CNTNAP5: variants seen among roughly 807,000 people sequenced by gnomAD.
CNTNAP5 encodes contactin-associated protein-like 5.
In CNTNAP5, 72 loss-of-function variants were observed where a neutral mutation model predicts 150.2. The ratio of observed to expected loss-of-function variants is 0.48; its 90% CI spans 0.40 to 0.58. The LOEUF (loss-of-function observed/expected upper bound fraction) is 0.58. Ranked by LOEUF, CNTNAP5 falls within the 20% of genes least tolerant of loss-of-function variation. The pLI, the probability that CNTNAP5 is intolerant of heterozygous loss-of-function variation, is 0.00. For missense variants in CNTNAP5, 1,636 were observed against 1,626.2 expected (o/e 1.01, Z -0.10); for synonymous variants, 672 against 619.8 (o/e 1.08, Z -1.25).
chr2:124,594,528 T>A (rs1307341514), intron 11 of CNTNAP5, among the ~76,000 whole-genome samples: 1 of 149,592 alleles, frequency 6.7e-6, no homozygotes, highest in Non-Finnish European at 1.5e-5. Context: ...CATGCTGTTT[T>A]GGTTACTGTA....
At chr2:124,252,403 G>A (rs1687206268) in intron 3 of CNTNAP5, among the ~76,000 whole-genome samples, 3 of 152,144 alleles carry the variant, frequency 2.0e-5, no homozygotes, top group African/African-American at 7.2e-5. Flanking sequence ...GCTGGCATAG[G>A]TGTATATAGG....
chr2:124,357,834 T>A (rs1375999803), intron 3 of CNTNAP5, among the ~76,000 whole-genome samples: 3 of 149,138 alleles, frequency 2.0e-5, no homozygotes, highest in African/African-American at 7.4e-5. Flanking sequence ...TTTTTTCCAA[T>A]TCTGTGAAGA....
rs1478227034 is a variant in CNTNAP5, at chr2:124,524,522, A to AT, written c.1477+71dup. ...AATTTAAGTGGGCAATTATTTCACT[A>AT]TGATGGTTCTGGTTTGGTCAATTAG... is the stretch of plus-strand genomic sequence containing the variant. On this transcript the variant is annotated intron_variant, in intron 9 of 23. Transcript: ENST00000682447. 7 of 1,446,670 alleles carry AT rather than the reference A, an allele frequency of 4.8e-6. No individual in the cohort carries two copies. The African/African-American group carries it at 5.6e-5, about 12-fold the overall frequency. The allele number at this position is 1,446,670 out of a possible 1,614,324, so 89.6% of individuals were successfully genotyped here.
intron 19 of CNTNAP5, among the ~76,000 whole-genome samples, chr2:124,820,428 T>A (rs1682461468): frequency 6.6e-6 from 1 of 151,694 alleles, no homozygotes; most frequent in Admixed American, 6.6e-5. Flanking sequence ...CCTCACCAGT[T>A]GCTTCCTAAT....
intron 3 of CNTNAP5, among the ~76,000 whole-genome samples, chr2:124,281,067 G>A (rs1688001048): frequency 6.6e-6 from 1 of 152,102 alleles, no homozygotes; most frequent in African/African-American, 2.4e-5. Context: ...AATTAAGCAT[G>A]AAAAATGTAT....
intron 12 of CNTNAP5, among the ~76,000 whole-genome samples, chr2:124,622,542 C>A (rs1677639482): frequency 6.6e-6 from 1 of 152,010 alleles, no homozygotes; most frequent in African/African-American, 2.4e-5. Context: ...TGGGGAATTG[C>A]CACACTGTAT....
intron 8 of CNTNAP5, among the ~76,000 whole-genome samples, chr2:124,514,188 G>A (rs1694655581): frequency 6.6e-6 from 1 of 152,286 alleles, no homozygotes; most frequent in Admixed American, 6.5e-5. Flanking sequence ...GAAGCATTTC[G>A]TGTTATGGAA....
At chr2:124,283,853 A>T (rs1318930558) in intron 3 of CNTNAP5, among the ~76,000 whole-genome samples, 1 of 152,172 alleles carries the variant, frequency 6.6e-6, no homozygotes, top group East Asian at 1.9e-4. Flanking sequence ...TTATAAGGGC[A>T]CTAATCTCAT....
intron 1 of CNTNAP5, among the ~76,000 whole-genome samples, chr2:124,051,880 G>A (rs774733040): frequency 2.0e-5 from 3 of 152,110 alleles, no homozygotes; most frequent in Non-Finnish European, 2.9e-5. Context: ...GTAGAACAAG[G>A]TGTCTCAAAC....
At chr2:124,648,943 TCATAGAAACC>T (rs1678262760) in intron 13 of CNTNAP5, among the ~76,000 whole-genome samples, 1 of 152,116 alleles carries the variant, frequency 6.6e-6, no homozygotes, top group East Asian at 1.9e-4. Flanking sequence ...AAAGGGGAAA[TCATAGAAACC>T]TAACTAAATT....
intron 3 of CNTNAP5, among the ~76,000 whole-genome samples, chr2:124,305,793 G>A (rs1309303817): frequency 6.6e-6 from 1 of 151,984 alleles, no homozygotes; most frequent in African/African-American, 2.4e-5. Flanking sequence ...TCTTTATATT[G>A]AACTTCTCAG....
At chr2:124,113,453 T>C (rs1192677609) in intron 1 of CNTNAP5, among the ~76,000 whole-genome samples, 1 of 151,894 alleles carries the variant, frequency 6.6e-6, no homozygotes. Flanking sequence ...TTCGCCCACT[T>C]TTTTCTATTT....
At chr2:124,866,737 C>T (rs1677640249) in intron 20 of CNTNAP5, among the ~76,000 whole-genome samples, 1 of 152,082 alleles carries the variant, frequency 6.6e-6, no homozygotes, top group Non-Finnish European at 1.5e-5. Context: ...GAGTCCAGAT[C>T]ATCCCCTTTA....
chr2:124,360,097 AG>A (rs1188052773), intron 3 of CNTNAP5, among the ~76,000 whole-genome samples: 19 of 141,540 alleles, frequency 1.3e-4, no homozygotes, highest in Non-Finnish European at 2.5e-4. Context: ...GTTGGTTTAA[AG>A]TCTGTTTTAT....
rs1299550634 is a variant in CNTNAP5, at chr2:124,588,117, T to TCCTTTTCCTTCC, written c.1757-21684_1757-21683insCCTTTTCCTTCC. Among the ~76,000 whole-genome samples the TCCTTTTCCTTCC allele has an allele frequency of 3.8e-4, 56 of 147,144 alleles. 7 individuals are homozygous for TCCTTTTCCTTCC. Among genetic ancestry groups the TCCTTTTCCTTCC allele is most frequent in the African/African-American group, 9.8e-4 (38 of 38,758 alleles). ...TTCTTTTCTTCCTTCCTTCCCTCCT[T>TCCTTTTCCTTCC]TTCCTTCCTTCCTTTTCCTTCCTTC... On this transcript the variant is annotated intron_variant, in intron 11 of 23. Coordinates refer to ENST00000682447, the MANE Select transcript of CNTNAP5 (RefSeq NM_001367498.1).
At chr2:124,334,231 T>C (rs1281935236) in intron 3 of CNTNAP5, among the ~76,000 whole-genome samples, 2 of 152,108 alleles carry the variant, frequency 1.3e-5, no homozygotes, top group Non-Finnish European at 2.9e-5. Context: ...ATGTTTTCTA[T>C]TGGTAATTTT....
intron 19 of CNTNAP5, among the ~76,000 whole-genome samples, chr2:124,860,256 A>G (rs1399664874): frequency 1.3e-5 from 2 of 151,962 alleles, no homozygotes; most frequent in African/African-American, 4.8e-5. Flanking sequence ...AGGCTAAGGC[A>G]GGAGAATGGT....
rs1482907648 is a variant in CNTNAP5, at chr2:124,235,220, A to G, written c.188-6980A>G. ...TATCAATCTGACACTCGCTGAGTTG[A>G]GGACATGGGAAGTGATAGCTCCCAG... On this transcript the variant is annotated intron_variant, in intron 2 of 23. Coordinates refer to ENST00000682447, the MANE Select transcript of CNTNAP5 (RefSeq NM_001367498.1). 3.9e-5 allele frequency among the ~76,000 whole-genome samples: 6 copies of G among 152,110 alleles called. 1 individual carries two copies. Among genetic ancestry groups the G allele is most frequent in the Admixed American group, 3.9e-4 (6 of 15,258 alleles).
At chr2:124,904,078 AC>A (rs1678478305) in intron 22 of CNTNAP5, among the ~76,000 whole-genome samples, 1 of 149,680 alleles carries the variant, frequency 6.7e-6, no homozygotes, top group African/African-American at 2.5e-5. Flanking sequence ...AAAAAAAAAA[AC>A]CAAAATGTAT....
Sources: allele counts gnomAD v4.1 joint callset (sites outside exome capture counted in the v4.1 genomes callset), GRCh38; gene constraint gnomAD v4.1.1; transcripts MANE v1.5; gene names NCBI Gene and HGNC (gene_info 2026-07-23, HGNC 2026-07-21).